The following KIAA1217 variants were observed in gnomAD, a reference collection of about 807,000 sequenced individuals.
The protein encoded by KIAA1217 is KIAA1217, also known as sickle tail protein homolog.
In KIAA1217, 88 loss-of-function variants were observed where a neutral mutation model predicts 163.9. The ratio of observed to expected loss-of-function variants is 0.54; its 90% CI spans 0.45 to 0.64. KIAA1217 has a LOEUF of 0.64. Among genes scored for constraint, KIAA1217 ranks in the 30% least tolerant of loss-of-function variants. The pLI, the probability that KIAA1217 is intolerant of heterozygous loss-of-function variation, is 0.00. For synonymous variants in KIAA1217, 903 were observed against 923.1 expected (o/e 0.98, Z 0.39); for missense variants, 2,372 against 2,475.0 (o/e 0.96, Z 0.88).
At chr10:24,359,154 A>G (rs936005035) in intron 2 of KIAA1217, among the ~76,000 whole-genome samples, 1 of 133,272 alleles carries the variant, frequency 7.5e-6, no homozygotes, top group Non-Finnish European at 1.5e-5. Context: ...CAGTGGTGCT[A>G]TCTTGGCTCA....
Position 24,252,792 on chromosome 10 carries a change from G to A in KIAA1217, c.354+32883G>A, listed in dbSNP as rs565819849. Among the ~76,000 whole-genome samples the A allele has an allele frequency of 5.3e-4, 81 of 152,166 alleles. 1 individual carries two copies. Among genetic ancestry groups the A allele is most frequent in the African/African-American group, 1.9e-3 (79 of 41,534 alleles). On this transcript the variant is annotated intron_variant, in intron 2 of 20. Transcript: ENST00000376454. ...AGAGCTCAGAATGTAATGGTGGGAA[G>A]GCAGAGGAGGAAACAGATATACAGA...
intron 1 of KIAA1217, among the ~76,000 whole-genome samples, chr10:23,850,440 G>A (rs897405794): frequency 6.6e-6 from 1 of 151,974 alleles, no homozygotes; most frequent in African/African-American, 2.4e-5. Flanking sequence ...TCCACTGTAG[G>A]GAAAAAACCA....
chr10:24,487,484 T>C (rs571506646), intron 6 of KIAA1217, among the ~76,000 whole-genome samples: 1 of 152,370 alleles, frequency 6.6e-6, no homozygotes, highest in South Asian at 2.1e-4. Context: ...TAGGAGTATG[T>C]GAAGAACTAT....
chr10:23,983,965 G>A (rs920912026), intron 1 of KIAA1217, among the ~76,000 whole-genome samples: 1 of 152,184 alleles, frequency 6.6e-6, no homozygotes, highest in East Asian at 1.9e-4. Flanking sequence ...TAGTAAAAGA[G>A]GCAGAGATTA....
At chr10:23,719,769 T>A (rs1172384377) in intron 1 of KIAA1217, among the ~76,000 whole-genome samples, 1 of 151,224 alleles carries the variant, frequency 6.6e-6, no homozygotes, top group Non-Finnish European at 1.5e-5. Context: ...ATACAAAAAA[T>A]TAGCTGGGAG....
rs370125045 is a variant in KIAA1217, at chr10:23,849,009, C to A, written c.-321+153775C>A. ...CAGAAATTGTGTCTATTTTCTATTT[C>A]CCCAGAACCTGGCACAGTCCTAGGA... On this transcript the variant is annotated intron_variant, in intron 1 of 18. Transcript: ENST00000376462. 4.6e-5 allele frequency among the ~76,000 whole-genome samples: 7 copies of A among 152,042 alleles called. No homozygotes were observed. The South Asian group carries it at 1.5e-3, about 32-fold the overall frequency.
At chr10:24,346,588 T>TTTTTG (rs2047814081) in intron 2 of KIAA1217, among the ~76,000 whole-genome samples, 1 of 143,516 alleles carries the variant, frequency 7.0e-6, no homozygotes, top group Non-Finnish European at 1.5e-5. Context: ...TTTTTTTTTT[T>TTTTTG]GGAGGCAGAG....
intron 1 of KIAA1217, among the ~76,000 whole-genome samples, chr10:23,921,237 C>T (rs1842838351): frequency 6.6e-6 from 1 of 152,012 alleles, no homozygotes; most frequent in African/African-American, 2.4e-5. Flanking sequence ...ATTTCTATAC[C>T]CAATAGAAAA....
Position 24,493,942 on chromosome 10 carries a change from G to A in KIAA1217, c.1680-558G>A, listed in dbSNP as rs569015934. Among the ~76,000 whole-genome samples, 172 of 152,214 alleles carry A rather than the reference G, an allele frequency of 1.1e-3. 1 individual carries two copies. Among genetic ancestry groups the A allele is most frequent in the Non-Finnish European group, 1.7e-3 (118 of 68,020 alleles). On this transcript the variant is annotated intron_variant, in intron 6 of 20. Coordinates refer to ENST00000376454, the MANE Select transcript of KIAA1217 (RefSeq NM_019590.5). ...CCCAAAGTGCTGGGATTACAGGTGT[G>A]AGCCACCGCGCCCGGCCGGGTTTCA...
chr10:23,971,424 T>C (rs1029589175), intron 1 of KIAA1217, among the ~76,000 whole-genome samples: 1 of 152,182 alleles, frequency 6.6e-6, no homozygotes, highest in Admixed American at 6.5e-5. Context: ...TTTAGAGAGA[T>C]GGCTAAAAAA....
intron 1 of KIAA1217, among the ~76,000 whole-genome samples, chr10:23,704,190 A>C (rs1421824298): frequency 1.7e-5 from 2 of 120,782 alleles, no homozygotes; most frequent in Non-Finnish European, 3.4e-5. Flanking sequence ...ATATATATAT[A>C]TATATATATA....
intron 3 of KIAA1217, among the ~76,000 whole-genome samples, chr10:24,390,869 A>G (rs1448001509): frequency 6.6e-6 from 1 of 152,206 alleles, no homozygotes; most frequent in African/African-American, 2.4e-5. Context: ...GCTTGCTGAA[A>G]AAAGGCAGCG....
intron 6 of KIAA1217, among the ~76,000 whole-genome samples, chr10:24,486,410 A>G (rs1320188160): frequency 1.3e-5 from 2 of 152,146 alleles, no homozygotes; most frequent in Admixed American, 1.3e-4. Context: ...GCAATGACCA[A>G]TGGCTCCCCT....
rs1430998737 is a variant in KIAA1217 at position 24,359,070 on chromosome 10, C to CT, written c.355-21796dup. ...CTTTCTTTCTTTTTTCTTTTCTTTT[C>CT]TTTCTTTCTTTCTTTTTTTTTTTTT... On this transcript the variant is annotated intron_variant, in intron 2 of 20. Transcript: ENST00000376454. Among the ~76,000 whole-genome samples the CT allele has an allele frequency of 2.2e-3, 228 of 102,152 alleles. 26 individuals carry two copies. Among genetic ancestry groups the CT allele is most frequent in the Middle Eastern group, 0.01 (2 of 198 alleles). 67.0% of individuals were successfully genotyped at this position (102,152 alleles called of 152,430 possible).
chr10:24,054,800 C>G (rs543750870), intron 2 of KIAA1217, among the ~76,000 whole-genome samples: 1 of 152,292 alleles, frequency 6.6e-6, no homozygotes, highest in African/African-American at 2.4e-5. Flanking sequence ...CAGCAGATTA[C>G]TGTACTGAAT....
At chr10:23,744,719 A>T (rs1250126964) in intron 1 of KIAA1217, among the ~76,000 whole-genome samples, 3 of 152,198 alleles carry the variant, frequency 2.0e-5, no homozygotes, top group Non-Finnish European at 4.4e-5. Flanking sequence ...AACCAATAGG[A>T]TGTACTTGTA....
At chr10:24,037,030 A>T (rs575017236) in intron 2 of KIAA1217, among the ~76,000 whole-genome samples, 1 of 152,318 alleles carries the variant, frequency 6.6e-6, no homozygotes, top group Admixed American at 6.5e-5. Context: ...AGGGCCCTGG[A>T]GAGCAGAGGC....
chr10:23,894,518 A>G (rs1332181446), intron 1 of KIAA1217, among the ~76,000 whole-genome samples: 1 of 149,964 alleles, frequency 6.7e-6, no homozygotes, highest in Admixed American at 6.7e-5. Context: ...AGAACATTCC[A>G]TGCTCATGGG....
At chr10:23,887,097 C>T (rs375143454) in intron 1 of KIAA1217, among the ~76,000 whole-genome samples, 1 of 151,888 alleles carries the variant, frequency 6.6e-6, no homozygotes, top group Non-Finnish European at 1.5e-5. Flanking sequence ...CTTGGCATTA[C>T]CATCTTCTGG....
Sources: allele counts gnomAD v4.1 joint callset (sites outside exome capture counted in the v4.1 genomes callset), GRCh38; gene constraint gnomAD v4.1.1; transcripts MANE v1.5; gene names NCBI Gene and HGNC (gene_info 2026-07-23, HGNC 2026-07-21).